Variants in ARHGEF18 observed in about 807,000 individuals in gnomAD.
The protein encoded by ARHGEF18 is rho guanine nucleotide exchange factor 18.
In ARHGEF18, 93 loss-of-function variants were observed where a neutral mutation model predicts 155.7. The observed-to-expected ratio is 0.60, with a 90% CI of 0.50 to 0.71. The LOEUF is 0.71. ARHGEF18 is among the 30% of genes least tolerant of loss of function. The pLI is 0.00. For synonymous variants in ARHGEF18, 742 were observed against 753.1 expected (o/e 0.99, Z 0.24); for missense variants, 1,593 against 1,816.1 (o/e 0.88, Z 2.23).
At chr19:7,423,842 G>A (rs1461307913) in intron 10 of ARHGEF18, among the ~76,000 whole-genome samples, 1 of 151,916 alleles carries the variant, frequency 6.6e-6, no homozygotes, top group Non-Finnish European at 1.5e-5. Context: ...CTACACTTGG[G>A]AAAGGAAACA....
intron 7 of ARHGEF18, among the ~76,000 whole-genome samples, chr19:7,380,336 G>A (rs1167073019): frequency 3.3e-5 from 5 of 151,926 alleles, no homozygotes; most frequent in Admixed American, 6.6e-5. Context: ...AAAATTAGCT[G>A]GGCATGGTGG....
Position 7,464,542 on chromosome 19 carries a change from C to G in ARHGEF18, c.2774-18C>G, listed in dbSNP as rs1212373201. ...ACGGGATGGCAGCATCCTCATGCCC[C>G]TGGCTTGGGGTTCTCAGATGGCAGT... On this transcript the variant is annotated intron_variant, in intron 22 of 28. Coordinates refer to ENST00000668164, the MANE Select transcript of ARHGEF18 (RefSeq NM_001367823.1). The G allele has an allele frequency of 6.2e-7, 1 of 1,602,682 alleles. No homozygotes were observed. Among genetic ancestry groups the G allele is most frequent in the African/African-American group, 1.3e-5 (1 of 74,700 alleles).
intron 10 of ARHGEF18, among the ~76,000 whole-genome samples, chr19:7,389,669 G>A (rs1426398556): frequency 6.6e-6 from 1 of 151,854 alleles, no homozygotes; most frequent in African/African-American, 2.4e-5. Context: ...GAGTAGCTGG[G>A]ATTACAGGCG....
rs140733128 is a variant in ARHGEF18 at position 7,411,527 on chromosome 19, G to T, written c.967+28324G>T. On this transcript the variant is annotated intron_variant, in intron 10 of 28. Transcript: ENST00000668164. ...TCACCATGTTGGCCAGGCTGGTCTTGAACTCCTGACCTCAAGTGGTCTGCC... is the reference window on the plus strand; with the variant it reads ...TCACCATGTTGGCCAGGCTGGTCTTTAACTCCTGACCTCAAGTGGTCTGCC... Among the ~76,000 whole-genome samples the T allele has an allele frequency of 8.6e-3, 1,307 of 152,214 alleles. 15 individuals carry two copies. Among genetic ancestry groups the T allele is most frequent in the African/African-American group, 0.029 (1,212 of 41,540 alleles).
chr19:7,409,315 G>A (rs548583535), intron 10 of ARHGEF18, among the ~76,000 whole-genome samples: 10 of 112,238 alleles, frequency 8.9e-5, no homozygotes, highest in African/African-American at 2.9e-4. Flanking sequence ...GCGTCCGGCC[G>A]ACCCTGTTTC....
intron 10 of ARHGEF18, among the ~76,000 whole-genome samples, chr19:7,409,081 T>A (rs2145608644): frequency 7.3e-6 from 1 of 137,120 alleles, no homozygotes; most frequent in East Asian, 2.1e-4. Context: ...TTTTTTTGAG[T>A]TGGAGTCTCG....
At chr19:7,447,287 G>A (rs1476531557) in intron 15 of ARHGEF18, 119 bp downstream of exon 15, 13 of 907,008 alleles carry the variant, frequency 1.4e-5, no homozygotes, top group Admixed American at 5.9e-5. Context: ...CCAGGAGATC[G>A]AGACCGTCCT....
At chr19:7,465,896 C>T (rs940366509) in intron 23 of ARHGEF18, among the ~76,000 whole-genome samples, 1 of 152,032 alleles carries the variant, frequency 6.6e-6, no homozygotes, top group Non-Finnish European at 1.5e-5. Flanking sequence ...CCAGCCTGGC[C>T]AACATGGTGA....
intron 26 of ARHGEF18, among the ~76,000 whole-genome samples, chr19:7,467,920 C>T (rs1976765151): frequency 8.4e-6 from 1 of 119,140 alleles, no homozygotes; most frequent in Non-Finnish European, 1.7e-5. Flanking sequence ...TTAGAAACTT[C>T]TTAAAAAAAA....
intron 15 of ARHGEF18, among the ~76,000 whole-genome samples, chr19:7,450,387 C>T (rs1221432841): frequency 0.027 from 7 of 256 alleles, no homozygotes; most frequent in Admixed American, 0.062. Context: ...GATGTTAATA[C>T]GGGATCTTGC....
At chr19:7,411,693 C>G (rs1157583647) in intron 10 of ARHGEF18, among the ~76,000 whole-genome samples, 1 of 152,078 alleles carries the variant, frequency 6.6e-6, no homozygotes, top group Non-Finnish European at 1.5e-5. Flanking sequence ...GCTACCATCA[C>G]CACCATCCAT....
chr19:7,373,463 G>GTTTGTT (rs758934294), intron 3 of ARHGEF18, among the ~76,000 whole-genome samples: 1 of 87,174 alleles, frequency 1.1e-5, no homozygotes, highest in African/African-American at 1.2e-4. Context: ...TTTTGTGTTT[G>GTTTGTT]TTTTTTTTTT....
intron 23 of ARHGEF18, among the ~76,000 whole-genome samples, 159 bp from the exon 24 acceptor site, chr19:7,466,759 G>A (rs1376768939): frequency 2.2e-5 from 3 of 135,560 alleles, no homozygotes; most frequent in Admixed American, 8.1e-5. Context: ...AGCCAAGATC[G>A]CGCCACTGCA....
Position 7,444,349 on chromosome 19 carries a change from C to A in ARHGEF18, c.1506C>A (p.His502Gln), listed in dbSNP as rs1568341096. 1.2e-6 allele frequency: 2 copies of A among 1,613,520 alleles called. No individual in the cohort carries two copies. Among genetic ancestry groups the A allele is most frequent in the African/African-American group, 1.3e-5 (1 of 74,926 alleles). ...FPCADDLLET[H>Q]SHFLARLKER... ...GCGCTGACGACCTGCTGGAGACGCACAGCCACTTCCTCGCTCGGCTCAAGG... is the reference window on the plus strand; with the variant it reads ...GCGCTGACGACCTGCTGGAGACGCAAAGCCACTTCCTCGCTCGGCTCAAGG... The change falls in exon 14 of 29, where the codon CAC (histidine) becomes CAA (glutamine). Residue 502 changes from histidine (H) to glutamine (Q), a missense_variant. By Grantham distance (24) the His-to-Gln change is conservative. Coordinates refer to ENST00000668164, the MANE Select transcript of ARHGEF18 (RefSeq NM_001367823.1). This position sits in a 1 kb window ranked among gnomAD's most constrained non-coding sequence, Gnocchi z 4.7.
chr19:7,378,290 A>G lies in ARHGEF18; in HGVS notation c.542-104A>G, dbSNP rs758334050. 1.4e-4 allele frequency: 114 copies of G among 824,448 alleles called. 1 individual carries two copies. The highest frequency in any genetic ancestry group is 1.7e-4 in the Non-Finnish European group (104 of 614,788). 51.1% of individuals were successfully genotyped at this position (824,448 alleles called of 1,614,324 possible). A position where few individuals can be genotyped will look rare whatever the true frequency, so the allele number is the denominator to read the frequency against. On this transcript the variant is annotated intron_variant, in intron 5 of 28. Transcript: ENST00000668164. ...TACAGGCCCTGTCTGCATGGCCTCC[A>G]GTTCTGCAGGGGCCCAGGGTGGCAT...
chr19:7,470,447 G>A lies in ARHGEF18; in HGVS notation c.*149G>A, dbSNP rs1161146562. The A allele has an allele frequency of 4.1e-6, 3 of 722,944 alleles. No homozygotes were observed. Among genetic ancestry groups the A allele is most frequent in the East Asian group, 3.4e-5 (1 of 29,416 alleles). The allele number at this position is 722,944 out of a possible 1,614,324, so 44.8% of individuals were successfully genotyped here. ...ATGACCGCCTGGCAGGGGCCAGCCTGTCGGTGCTCTGGGCCTTGCAGCTGT... is the reference window on the plus strand; with the variant it reads ...ATGACCGCCTGGCAGGGGCCAGCCTATCGGTGCTCTGGGCCTTGCAGCTGT... On this transcript the variant is annotated 3_prime_UTR_variant, in exon 29 of 29. Transcript: ENST00000668164. This position sits in a 1 kb window ranked among gnomAD's most constrained non-coding sequence, Gnocchi z 5.9.
In ARHGEF18 at chr19:7,462,263, G is replaced by A; in HGVS notation, c.2564G>A (p.Gly855Asp). 6.2e-7 allele frequency: 1 copy of A among 1,613,710 alleles called. No individual in the cohort carries two copies. Among genetic ancestry groups the A allele is most frequent in the Non-Finnish European group, 8.5e-7 (1 of 1,179,934 alleles). Residue 855 changes from glycine (G) to aspartate (D), a missense_variant, in exon 21 of 29, where the codon GGC becomes GAC. Gly to Asp is a moderately conservative substitution (Grantham distance 94, BLOSUM62 -1). Transcript: ENST00000668164. The surrounding 1 kb of genome is among the most constrained non-coding windows in gnomAD (Gnocchi z 4.4). ...CTCGAAGACCTGCCCCAGCCCCGAG[G>A]CCTATTCCGTGGAGGGGACCCATCC... The part of the protein sequence containing the change: ...GGLEDLPQPR[G>D]LFRGGDPSET...
In ARHGEF18 at chr19:7,444,771, G is replaced by A. The variant is rs769828437; in HGVS notation, c.1611+317G>A. Among the ~76,000 whole-genome samples, 2 of 152,074 alleles carry A rather than the reference G, an allele frequency of 1.3e-5. No individual in the cohort carries two copies. Among genetic ancestry groups the A allele is most frequent in the Non-Finnish European group, 2.9e-5 (2 of 68,002 alleles). Reference sequence around the variant, plus strand: ...TGATCCTCCTGCCTCAGCCTTCCACGTAGCTGGGACTCCAGGGAACACCAT... The same window carrying A: ...TGATCCTCCTGCCTCAGCCTTCCACATAGCTGGGACTCCAGGGAACACCAT... On this transcript the variant is annotated intron_variant, in intron 14 of 28. Coordinates refer to ENST00000668164, the MANE Select transcript of ARHGEF18 (RefSeq NM_001367823.1). The surrounding 1 kb of genome is among the most constrained non-coding windows in gnomAD (Gnocchi z 4.7).
rs1027744216 is a variant in ARHGEF18, at chr19:7,378,514, C to T, written c.599+63C>T. 9.9e-6 allele frequency: 12 copies of T among 1,211,710 alleles called. No individual in the cohort carries two copies. The African/African-American group carries it at 1.6e-4, about 16-fold the overall frequency. The allele number at this position is 1,211,710 out of a possible 1,614,324, so 75.1% of individuals were successfully genotyped here. ...GGAACAGGCCACAAAGTCAGGGCTGCGGGAGGAGGGCTGCCAGGGTGCAGT... is the reference window on the plus strand; with the variant it reads ...GGAACAGGCCACAAAGTCAGGGCTGTGGGAGGAGGGCTGCCAGGGTGCAGT... On this transcript the variant is annotated intron_variant, in intron 6 of 28. Transcript: ENST00000668164.
Sources: gnomAD v4.1 joint callset for allele counts (sites outside exome capture counted in the v4.1 genomes callset) on GRCh38, gnomAD v4.1.1 for gene constraint, Gnocchi (gnomAD v3.1) non-coding constraint, MANE v1.5 for transcripts, NCBI Gene and HGNC (gene_info 2026-07-23, HGNC 2026-07-21) for gene names.